Variants in SEC31B observed in about 807,000 individuals in gnomAD.
SEC31B encodes SEC31 homolog B, COPII component, also known as protein transport protein Sec31B.
SEC31B carries 113 observed loss-of-function variants against 135.0 expected under a neutral mutation model. The ratio of observed to expected loss-of-function variants is 0.84; its 90% CI spans 0.72 to 0.98. The LOEUF (loss-of-function observed/expected upper bound fraction) is 0.98. Ranked by LOEUF, SEC31B falls within the 50% of genes least tolerant of loss-of-function variation. SEC31B has a pLI of 0.00. For synonymous variants in SEC31B, 508 were observed against 549.4 expected, an observed-to-expected ratio of 0.92 and a Z score of 1.05; for missense variants, 1,296 against 1,421.1, an observed-to-expected ratio of 0.91 and a Z score of 1.42.
chr10:100,489,082 G>A, intron 23 of SEC31B, 108 bp from the exon 24 acceptor site: 4 of 1,494,700 alleles, frequency 2.7e-6, no homozygotes, highest in Non-Finnish European at 3.6e-6. Flanking sequence ...TCCCATTACA[G>A]CAGAGTTGGG....
chr10:100,487,662 G>A lies in SEC31B; in HGVS notation c.3494C>T (p.Pro1165Leu), dbSNP rs1413824306. 6.2e-7 allele frequency: 1 copy of A among 1,613,694 alleles called. No homozygotes were observed. The highest frequency in any genetic ancestry group is 1.7e-5 in the Admixed American group (1 of 59,990). Residue 1165 changes from proline to leucine, a missense_variant, in exon 26 of 26, where the codon CCT becomes CTT. Physicochemically the swap from Pro to Leu is moderately conservative, Grantham distance 98. Coordinates refer to ENST00000370345, the MANE Select transcript of SEC31B (RefSeq NM_015490.4). ...GATGATGAGGACAGCCTTCAGGATA[G>A]GCATGAAGCTGGACACCTCGCTGAA... is the stretch of plus-strand genomic sequence containing the variant. ...SSFSEVSSFM[P>L]ILKAVLIIAH...
At position 100,494,247 on chromosome 10, in the gene SEC31B, C is replaced by T. The variant is rs548351643; in HGVS notation, c.2472+1138G>A. ...TACCCCCAACCACACACACACCTCT[C>T]CAAACTATCAGCAATTCTGTCAGTT... is the stretch of plus-strand genomic sequence containing the variant. On this transcript the variant is annotated intron_variant, in intron 19 of 25. Coordinates refer to ENST00000370345, the MANE Select transcript of SEC31B (RefSeq NM_015490.4). Among the ~76,000 whole-genome samples, 4 of 152,254 alleles carry T rather than the reference C, an allele frequency of 2.6e-5. No homozygotes were observed. The South Asian group carries it at 8.3e-4, about 32-fold the overall frequency.
At chr10:100,508,435 T>C (rs916388149) in intron 5 of SEC31B, 1 of 478,136 alleles carries the variant, frequency 2.1e-6, no homozygotes, top group Non-Finnish European at 4.1e-6. Flanking sequence ...AACCACAAGA[T>C]GCTATCAAAT....
rs539064123 is a variant in SEC31B, at chr10:100,488,187, T to C, written c.3289-89A>G. The C allele has an allele frequency of 9.3e-5, 115 of 1,240,662 alleles. No individual in the cohort carries two copies. The African/African-American group carries it at 1.3e-3, about 14-fold the overall frequency. The allele number at this position is 1,240,662 out of a possible 1,614,324, so 76.9% of individuals were successfully genotyped here. A position where few individuals can be genotyped will look rare whatever the true frequency, so the allele number is the denominator to read the frequency against. On this transcript the variant is annotated intron_variant, in intron 24 of 25. Transcript: ENST00000370345. Reference sequence around the variant, plus strand: ...GAATCACAGCATATTAGGCCGGGCATGGTGGCTCACGCCTGTAATCCCAGC... The same window carrying C: ...GAATCACAGCATATTAGGCCGGGCACGGTGGCTCACGCCTGTAATCCCAGC...
At chr10:100,491,693 C>T (rs751095924) in intron 19 of SEC31B, among the ~76,000 whole-genome samples, 9 of 152,140 alleles carry the variant, frequency 5.9e-5, no homozygotes, top group African/African-American at 1.9e-4. Flanking sequence ...AATTCAACAC[C>T]GATTCATGAT....
intron 18 of SEC31B, 97 bp from the exon 19 acceptor site, chr10:100,495,643 G>T: frequency 8.4e-7 from 1 of 1,193,468 alleles, no homozygotes; most frequent in Non-Finnish European, 1.2e-6. Context: ...CACCAAGCTT[G>T]TCCAACCTGT....
At position 100,495,387 on chromosome 10, in the gene SEC31B, G is replaced by A; in HGVS notation, c.2470C>T (p.Gln824Ter). 1.9e-6 allele frequency: 3 copies of A among 1,613,194 alleles called. No homozygotes were observed. The highest frequency in any genetic ancestry group is 2.5e-6 in the Non-Finnish European group (3 of 1,179,652). ...SYRLGSQPSH[Q>*]VPTPSPRPRV... ...TGAATGAACAAACGAGGTCTTACCT[G>A]GTGAGAAGGCTGGGATCCCAATCTG... The change falls in exon 19 of 26, where the codon CAG (glutamine) becomes TAG (stop). Residue 824 changes from glutamine (Q) to a stop codon, truncating the protein, a stop_gained and splice_region_variant. Transcript: ENST00000370345. LOFTEE classifies it high-confidence loss of function.
chr10:100,496,536 G>T, intron 17 of SEC31B, 105 bp from the exon 18 acceptor site: 1 of 1,205,722 alleles, frequency 8.3e-7, no homozygotes, highest in Non-Finnish European at 1.2e-6. Context: ...ACAGATGAGG[G>T]CACCTGACCA....
At position 100,490,285 on chromosome 10, in the gene SEC31B, C is replaced by T; in HGVS notation, c.2688G>A (p.Val896=). The T allele has an allele frequency of 6.2e-7, 1 of 1,613,854 alleles. No individual in the cohort carries two copies. The highest frequency in any genetic ancestry group is 1.1e-5 in the South Asian group (1 of 91,048). ...SQPQLLGGQR[V]QVPNPVGFPG... is the part of the protein sequence containing the mutation. ...GGAATCCCACCGGGTTAGGAACTTG[C>T]ACCCTTTGCCCTCCTAATAGCTGTG... Residue 896 remains valine (V), a synonymous_variant, in exon 21 of 26, where the codon GTG becomes GTA. Coordinates refer to ENST00000370345, the MANE Select transcript of SEC31B (RefSeq NM_015490.4).
Position 100,489,349 on chromosome 10 carries a change from C to T in SEC31B, c.3074G>A (p.Ser1025Asn). 6.2e-7 allele frequency: 1 copy of T among 1,613,892 alleles called. No individual in the cohort carries two copies. The highest frequency in any genetic ancestry group is 8.5e-7 in the Non-Finnish European group (1 of 1,179,966). Residue 1025 changes from serine (S) to asparagine (N), a missense_variant, in exon 23 of 26, where the codon AGC becomes AAC. Coordinates refer to ENST00000370345, the MANE Select transcript of SEC31B (RefSeq NM_015490.4). ...PPAPITAPVM[S>N]LTPELQGILP... is the part of the protein sequence containing the mutation. ...AATCCCTTGTAGCTCAGGGGTGAGG[C>T]TCATAACTGGAGCAGTAATTGGTGC...
intron 3 of SEC31B, among the ~76,000 whole-genome samples, chr10:100,510,673 A>G (rs1851721264): frequency 6.6e-6 from 1 of 152,212 alleles, no homozygotes; most frequent in Non-Finnish European, 1.5e-5. Context: ...AAAGCAACTG[A>G]GTAGGTGATA....
At position 100,505,788 on chromosome 10, in the gene SEC31B, AG is replaced by A. The variant is rs1851618710; in HGVS notation, c.1044+251del. On this transcript the variant is annotated intron_variant, in intron 9 of 25. Transcript: ENST00000370345. ...ACTCTTGAAATAACTGTCCCAGCAAAGGGGTCCCACGGTCCCTGAAATACTA... is the reference window on the plus strand; with the variant it reads ...ACTCTTGAAATAACTGTCCCAGCAAAGGGTCCCACGGTCCCTGAAATACTA... The A allele has an allele frequency of 2.8e-6, 4 of 1,424,348 alleles. No homozygotes were observed. The South Asian group carries it at 4.7e-5, about 17-fold the overall frequency. The allele number at this position is 1,424,348 out of a possible 1,614,324, so 88.2% of individuals were successfully genotyped here.
chr10:100,498,270 A>C (rs1191296834), intron 14 of SEC31B, 63 bp from the exon 15 acceptor site: 2 of 1,517,776 alleles, frequency 1.3e-6, no homozygotes, highest in Non-Finnish European at 1.8e-6. Context: ...TGCCCCCTGC[A>C]GGGCCCACAG....
chr10:100,514,922 A>G (rs1360670840), intron 3 of SEC31B, among the ~76,000 whole-genome samples: 1 of 149,862 alleles, frequency 6.7e-6, no homozygotes, highest in Non-Finnish European at 1.5e-5. Flanking sequence ...CAGAGGTTGC[A>G]GTGATCTGAG....
chr10:100,504,720 TG>T (rs965130874), intron 10 of SEC31B, among the ~76,000 whole-genome samples: 44 of 152,108 alleles, frequency 2.9e-4, no homozygotes, highest in African/African-American at 1.0e-3. Flanking sequence ...AATTTTGACT[TG>T]GGTTAAAGAC....
At chr10:100,518,447 A>G (rs1037679305) in intron 1 of SEC31B, among the ~76,000 whole-genome samples, 3 of 152,206 alleles carry the variant, frequency 2.0e-5, no homozygotes, top group Admixed American at 1.3e-4. Flanking sequence ...TTATAATTAC[A>G]TATTTATTTA....
chr10:100,489,618 G>T, intron 22 of SEC31B, 85 bp downstream of exon 22: 1 of 1,587,374 alleles, frequency 6.3e-7, no homozygotes, highest in Non-Finnish European at 8.6e-7. Flanking sequence ...TCTGAGAAGG[G>T]GAAGGACTGA....
chr10:100,493,046 T>C (rs892429594), intron 19 of SEC31B, among the ~76,000 whole-genome samples: 10 of 152,098 alleles, frequency 6.6e-5, no homozygotes, highest in African/African-American at 2.2e-4. Context: ...TTGGAAACTA[T>C]CCGAATGTCC....
At chr10:100,509,932 T>C (rs899635084) in intron 3 of SEC31B, among the ~76,000 whole-genome samples, 2 of 152,224 alleles carry the variant, frequency 1.3e-5, no homozygotes, top group Non-Finnish European at 1.5e-5. Context: ...CTGTTTTAAG[T>C]GCTCTAGGTG....
Sources: allele counts gnomAD v4.1 joint callset (sites outside exome capture counted in the v4.1 genomes callset), GRCh38; gene constraint gnomAD v4.1.1; transcripts MANE v1.5; gene names NCBI Gene and HGNC (gene_info 2026-07-23, HGNC 2026-07-21).